CDH13: variants seen among roughly 807,000 people sequenced by gnomAD.
CDH13 encodes cadherin-13.
CDH13 carries 24 observed loss-of-function variants against 63.8 expected under a neutral mutation model. The ratio of observed to expected loss-of-function variants is 0.38; its 90% CI spans 0.27 to 0.53. The LOEUF is 0.53. CDH13 is among the 20% of genes least tolerant of loss of function. The pLI is 0.85. For synonymous variants in CDH13, 503 were observed against 355.3 expected (o/e 1.42, Z -4.67); for missense variants, 1,049 against 903.1 (o/e 1.16, Z -2.07).
At chr16:83,161,276 T>C (rs1407561081) in intron 4 of CDH13, among the ~76,000 whole-genome samples, 2 of 152,190 alleles carry the variant, frequency 1.3e-5, no homozygotes, top group Admixed American at 1.3e-4. Flanking sequence ...ATGTCTGTAA[T>C]CCTAGCACTT....
At chr16:83,422,167 A>T (rs2071734935) in intron 6 of CDH13, among the ~76,000 whole-genome samples, 1 of 152,234 alleles carries the variant, frequency 6.6e-6, no homozygotes, top group Non-Finnish European at 1.5e-5. Context: ...CCCTTTAATT[A>T]GATATTCTAG....
At chr16:82,866,128 C>T (rs2040129112) in intron 2 of CDH13, among the ~76,000 whole-genome samples, 1 of 152,072 alleles carries the variant, frequency 6.6e-6, no homozygotes, top group Non-Finnish European at 1.5e-5. Flanking sequence ...CCTCTGAGAC[C>T]ACATCAGCCT....
At chr16:82,780,076 A>G (rs139510117) in intron 1 of CDH13, among the ~76,000 whole-genome samples, 10 of 152,262 alleles carry the variant, frequency 6.6e-5, no homozygotes, top group African/African-American at 2.4e-4. Flanking sequence ...GCACAGCTGA[A>G]ATCTGTGACT....
intron 1 of CDH13, among the ~76,000 whole-genome samples, chr16:82,739,240 C>T (rs1294063429): frequency 6.6e-6 from 1 of 152,050 alleles, no homozygotes; most frequent in African/African-American, 2.4e-5. Context: ...GAGGAAAAAT[C>T]CTTTTCAGAT....
intron 5 of CDH13, among the ~76,000 whole-genome samples, chr16:83,342,373 G>C (rs1032942238): frequency 1.3e-5 from 2 of 152,114 alleles, no homozygotes; most frequent in African/African-American, 4.8e-5. Flanking sequence ...AGGGTGTTCA[G>C]CGTGATGGCT....
intron 1 of CDH13, among the ~76,000 whole-genome samples, chr16:82,699,577 T>A (rs1365426219): frequency 6.6e-6 from 1 of 152,234 alleles, no homozygotes; most frequent in Non-Finnish European, 1.5e-5. Context: ...ACTAAGAACC[T>A]TTTAGAAATG....
intron 3 of CDH13, among the ~76,000 whole-genome samples, chr16:83,121,063 A>G (rs1045680690): frequency 3.3e-5 from 5 of 152,088 alleles, no homozygotes; most frequent in Admixed American, 1.3e-4. Flanking sequence ...CGCCCAGCCA[A>G]TGCTGTTTCT....
At chr16:82,998,177 G>T (rs908032885) in intron 2 of CDH13, among the ~76,000 whole-genome samples, 1 of 152,130 alleles carries the variant, frequency 6.6e-6, no homozygotes, top group Non-Finnish European at 1.5e-5. Flanking sequence ...TCGTCATACA[G>T]ACCTTCCTAA....
chr16:82,964,058 G>A (rs962998837), intron 2 of CDH13, among the ~76,000 whole-genome samples: 6 of 152,120 alleles, frequency 3.9e-5, no homozygotes, highest in Admixed American at 2.0e-4. Flanking sequence ...GCACAATGCC[G>A]TGACTCTGGA....
At chr16:82,903,114 A>G (rs1597177742) in intron 2 of CDH13, among the ~76,000 whole-genome samples, 2 of 152,280 alleles carry the variant, frequency 1.3e-5, no homozygotes, top group South Asian at 2.1e-4. Flanking sequence ...TTTAAAGCAC[A>G]TGAGCAGTAA....
At chr16:82,913,220 T>A (rs1349115909) in intron 2 of CDH13, among the ~76,000 whole-genome samples, 2 of 152,136 alleles carry the variant, frequency 1.3e-5, no homozygotes, top group African/African-American at 4.8e-5. Flanking sequence ...GAATTGGAGT[T>A]TACCTATTTT....
intron 2 of CDH13, among the ~76,000 whole-genome samples, chr16:82,905,430 C>G (rs891954362): frequency 7.8e-6 from 1 of 127,988 alleles, no homozygotes; most frequent in African/African-American, 3.2e-5. Flanking sequence ...CCATGAATCA[C>G]ACGTGTGTGT....
At chr16:83,154,613 T>G (rs2037130470) in intron 4 of CDH13, among the ~76,000 whole-genome samples, 1 of 151,386 alleles carries the variant, frequency 6.6e-6, no homozygotes, top group Non-Finnish European at 1.5e-5. Flanking sequence ...TCACCAAGAT[T>G]AGGAGGCCGT....
intron 8 of CDH13, among the ~76,000 whole-genome samples, chr16:83,603,627 T>C (rs913790818): frequency 6.6e-6 from 1 of 152,128 alleles, no homozygotes; most frequent in Non-Finnish European, 1.5e-5. Flanking sequence ...GAAAAAAACC[T>C]ATATAGGGAC....
intron 4 of CDH13, among the ~76,000 whole-genome samples, chr16:83,153,813 G>A (rs2037091089): frequency 6.6e-6 from 1 of 152,124 alleles, no homozygotes; most frequent in African/African-American, 2.4e-5. Flanking sequence ...CTCACTTTGT[G>A]GCATTTCGGT....
At chr16:82,783,300 G>A (rs768273396) in intron 1 of CDH13, among the ~76,000 whole-genome samples, 8 of 152,234 alleles carry the variant, frequency 5.3e-5, no homozygotes, top group Non-Finnish European at 7.3e-5. Flanking sequence ...GGCTAGCAGG[G>A]AGGGGAGGGG....
intron 12 of CDH13, among the ~76,000 whole-genome samples, chr16:83,782,960 G>A (rs1402363707): frequency 6.6e-6 from 1 of 152,020 alleles, no homozygotes; most frequent in African/African-American, 2.4e-5. Flanking sequence ...CCTTGAAACT[G>A]ATTATAATCG....
chr16:82,982,938 A>C (rs1910472859), intron 2 of CDH13, among the ~76,000 whole-genome samples: 1 of 152,168 alleles, frequency 6.6e-6, no homozygotes, highest in Admixed American at 6.5e-5. Context: ...CCTTTAAATC[A>C]TAGTTATTTC....
intron 5 of CDH13, among the ~76,000 whole-genome samples, chr16:83,251,123 A>G (rs1905475584): frequency 6.6e-6 from 1 of 152,090 alleles, no homozygotes; most frequent in Non-Finnish European, 1.5e-5. Flanking sequence ...ACTGTTTCAC[A>G]TCTTGATTGT....
Sources: gnomAD v4.1 joint callset for allele counts (sites outside exome capture counted in the v4.1 genomes callset) on GRCh38, gnomAD v4.1.1 for gene constraint, MANE v1.5 for transcripts, NCBI Gene and HGNC (gene_info 2026-07-23, HGNC 2026-07-21) for gene names.